The following SLC25A21 variants were observed in gnomAD, a reference collection of about 807,000 sequenced individuals.
SLC25A21 encodes the protein solute carrier family 25 member 21, also known as mitochondrial 2-oxodicarboxylate carrier.
A neutral mutation model predicts 43.8 loss-of-function variants in SLC25A21; 47 were observed. The ratio of observed to expected loss-of-function variants is 1.07; its 90% CI spans 0.85 to 1.37. The LOEUF (loss-of-function observed/expected upper bound fraction) is 1.37, where lower values mean the gene tolerates loss of function less well. Among genes scored for constraint, SLC25A21 ranks in the 40% most tolerant of loss-of-function variants. The pLI is 0.00. For missense variants in SLC25A21, 352 were observed against 350.2 expected (o/e 1.00, Z -0.04); for synonymous variants, 131 against 121.3 (o/e 1.08, Z -0.52).
intron 2 of SLC25A21, among the ~76,000 whole-genome samples, chr14:36,850,883 T>C (rs866365512): frequency 1.3e-5 from 2 of 152,254 alleles, no homozygotes; most frequent in South Asian, 4.1e-4. Flanking sequence ...TAATGCATAA[T>C]ATAGGGAGTG....
At position 36,678,847 on chromosome 14, in the gene SLC25A21, T is replaced by C. The variant is rs1295173976; in HGVS notation, c.*1811A>G. On this transcript the variant is annotated 3_prime_UTR_variant, in exon 10 of 10. Coordinates refer to ENST00000331299, the MANE Select transcript of SLC25A21 (RefSeq NM_030631.4). ...CAGTGAATTCACATGGAGTAATTTT[T>C]AAAAGATATCAGATACAATTTGCTA... 1 of 978,710 alleles carries C rather than the reference T, an allele frequency of 1.0e-6. No homozygotes were observed. Among genetic ancestry groups the C allele is most frequent in the African/African-American group, 1.7e-5 (1 of 57,556 alleles). The allele number at this position is 978,710 out of a possible 1,614,324, so 60.6% of individuals were successfully genotyped here. A position where few individuals can be genotyped will look rare whatever the true frequency, so the allele number is the denominator to read the frequency against.
intron 1 of SLC25A21, among the ~76,000 whole-genome samples, chr14:37,106,886 C>A (rs1962924127): frequency 6.6e-6 from 1 of 152,172 alleles, no homozygotes; most frequent in Non-Finnish European, 1.5e-5. Context: ...AGCCAGCCAA[C>A]ACTTATGGAA....
chr14:36,763,143 A>G (rs528787803), intron 3 of SLC25A21, among the ~76,000 whole-genome samples: 5 of 152,228 alleles, frequency 3.3e-5, no homozygotes, highest in African/African-American at 1.2e-4. Context: ...TGCTAACTAA[A>G]TTATATCTAA....
chr14:36,943,041 G>A (rs1892602598), intron 1 of SLC25A21, among the ~76,000 whole-genome samples: 1 of 152,184 alleles, frequency 6.6e-6, no homozygotes, highest in African/African-American at 2.4e-5. Context: ...GCAAATCTGA[G>A]CAAAGGCGGA....
intron 1 of SLC25A21, among the ~76,000 whole-genome samples, chr14:36,924,210 T>C (rs1892064817): frequency 6.6e-6 from 1 of 152,132 alleles, no homozygotes; most frequent in African/African-American, 2.4e-5. Context: ...CATGCTGCTA[T>C]AAAGACACAT....
At chr14:36,737,311 A>C (rs1278324256) in intron 3 of SLC25A21, among the ~76,000 whole-genome samples, 1 of 152,226 alleles carries the variant, frequency 6.6e-6, no homozygotes, top group African/African-American at 2.4e-5. Flanking sequence ...GGAGAGAAGA[A>C]GAGGCAGCTG....
intron 1 of SLC25A21, among the ~76,000 whole-genome samples, chr14:36,881,133 A>G (rs1345262923): frequency 6.6e-6 from 1 of 152,234 alleles, no homozygotes; most frequent in Non-Finnish European, 1.5e-5. Flanking sequence ...CTAGTCTTAC[A>G]TGACTGCTTA....
intron 3 of SLC25A21, among the ~76,000 whole-genome samples, chr14:36,809,481 T>A (rs1028489698): frequency 6.6e-6 from 1 of 152,098 alleles, no homozygotes; most frequent in Admixed American, 6.5e-5. Flanking sequence ...TAAGACATGG[T>A]TTTTATTAAA....
intron 3 of SLC25A21, among the ~76,000 whole-genome samples, chr14:36,772,699 A>T (rs771958419): frequency 2.3e-4 from 35 of 152,160 alleles, no homozygotes; most frequent in Non-Finnish European, 3.5e-4. Flanking sequence ...CTGCCAATTA[A>T]CACATCACAA....
chr14:36,977,161 C>A (rs1959893960), intron 1 of SLC25A21, among the ~76,000 whole-genome samples: 1 of 152,130 alleles, frequency 6.6e-6, no homozygotes. Context: ...TTTATTCCAT[C>A]CTCTTTAATT....
chr14:36,703,957 G>C (rs563340848), intron 7 of SLC25A21, among the ~76,000 whole-genome samples: 1 of 152,168 alleles, frequency 6.6e-6, no homozygotes, highest in African/African-American at 2.4e-5. Context: ...TGGGGAGAAA[G>C]TATAATTCTT....
rs1471734093 is a variant in SLC25A21, at chr14:37,148,963, G to A, written c.70+23318C>T. Among the ~76,000 whole-genome samples, 5 of 152,106 alleles carry A rather than the reference G, an allele frequency of 3.3e-5. 1 individual carries two copies. Among genetic ancestry groups the A allele is most frequent in the Non-Finnish European group, 7.3e-5 (5 of 68,030 alleles). ...GGCTATTTAAATATCCAAATTGAATGAACAAATGATGGCTCACAATAGCCT... is the reference window on the plus strand; with the variant it reads ...GGCTATTTAAATATCCAAATTGAATAAACAAATGATGGCTCACAATAGCCT... On this transcript the variant is annotated intron_variant, in intron 1 of 9. Coordinates refer to ENST00000331299, the MANE Select transcript of SLC25A21 (RefSeq NM_030631.4).
chr14:36,972,169 CTGTACAGGTTTGTAGCCT>C (rs1179390657), intron 1 of SLC25A21, among the ~76,000 whole-genome samples: 1 of 152,128 alleles, frequency 6.6e-6, no homozygotes, highest in East Asian at 1.9e-4. Context: ...CAGTACCATG[CTGTACAGGTTTGTAGCCT>C]AGGAGCAATA....
At chr14:37,126,189 TA>T (rs1337467968) in intron 1 of SLC25A21, among the ~76,000 whole-genome samples, 1 of 152,142 alleles carries the variant, frequency 6.6e-6, no homozygotes, top group African/African-American at 2.4e-5. Context: ...AGCTTTGTCA[TA>T]AACAAGGACT....
At chr14:37,123,449 C>T (rs953630166) in intron 1 of SLC25A21, among the ~76,000 whole-genome samples, 1 of 152,194 alleles carries the variant, frequency 6.6e-6, no homozygotes, top group African/African-American at 2.4e-5. Flanking sequence ...GTCACCCATG[C>T]TGTTTGCCCT....
In SLC25A21 at chr14:36,850,206, C is replaced by T. The variant is rs74325523; in HGVS notation, c.119+24750G>A. On this transcript the variant is annotated intron_variant, in intron 2 of 9. Transcript: ENST00000331299. Reference sequence around the variant, plus strand: ...AGGTAGAGCAAACAAGCTTTTCATACATGCTTCCAATCATATCAATTCATA... The same window carrying T: ...AGGTAGAGCAAACAAGCTTTTCATATATGCTTCCAATCATATCAATTCATA... 3.1e-3 allele frequency among the ~76,000 whole-genome samples: 471 copies of T among 152,294 alleles called. 3 individuals carry two copies. Among genetic ancestry groups the T allele is most frequent in the African/African-American group, 0.011 (455 of 41,550 alleles).
intron 6 of SLC25A21, among the ~76,000 whole-genome samples, chr14:36,723,134 A>G (rs753779019): frequency 2.0e-5 from 3 of 152,248 alleles, no homozygotes; most frequent in Non-Finnish European, 4.4e-5. Context: ...TGAGTCCTAG[A>G]TAAAAGACCT....
chr14:36,831,079 A>T (rs1303290668), intron 2 of SLC25A21, among the ~76,000 whole-genome samples: 12 of 152,218 alleles, frequency 7.9e-5, no homozygotes, highest in Admixed American at 7.9e-4. Context: ...ACTACATACA[A>T]AATATCATTA....
At chr14:37,135,951 T>C (rs1320504392) in intron 1 of SLC25A21, among the ~76,000 whole-genome samples, 1 of 152,214 alleles carries the variant, frequency 6.6e-6, no homozygotes, top group African/African-American at 2.4e-5. Flanking sequence ...TGATAGTAAC[T>C]ATTATTATCA....
Sources: allele counts gnomAD v4.1 joint callset (sites outside exome capture counted in the v4.1 genomes callset), GRCh38; gene constraint gnomAD v4.1.1; transcripts MANE v1.5; gene names NCBI Gene and HGNC (gene_info 2026-07-23, HGNC 2026-07-21).